TRIP12: variants seen among roughly 807,000 people sequenced by gnomAD.
TRIP12 encodes the protein thyroid hormone receptor interactor 12.
TRIP12 carries 25 observed loss-of-function variants against 244.2 expected under a neutral mutation model. The ratio of observed to expected loss-of-function variants is 0.10; its 90% CI spans 0.07 to 0.14. The LOEUF is 0.14. Ranked by LOEUF, TRIP12 falls within the 10% of genes least tolerant of loss-of-function variation. The pLI, the probability that TRIP12 is intolerant of heterozygous loss-of-function variation, is 1.00. For synonymous variants in TRIP12, 905 were observed against 873.1 expected (o/e 1.04, Z -0.64); for missense variants, 1,677 against 2,486.4 (o/e 0.67, Z 6.92).
At chr2:229,889,683 A>T (rs1402985221) in intron 1 of TRIP12, among the ~76,000 whole-genome samples, 1 of 152,218 alleles carries the variant, frequency 6.6e-6, no homozygotes, top group Non-Finnish European at 1.5e-5. Context: ...TTAAGACTCC[A>T]ACCTAATGTT....
At chr2:229,896,996 T>TC (rs1318222084) in intron 1 of TRIP12, among the ~76,000 whole-genome samples, 20 of 152,208 alleles carry the variant, frequency 1.3e-4, no homozygotes, top group Admixed American at 1.3e-3. Context: ...CAATGTAGGT[T>TC]CACTGACTGT....
At chr2:229,779,358 A>G (rs970211446) in intron 34 of TRIP12, among the ~76,000 whole-genome samples, 1 of 151,964 alleles carries the variant, frequency 6.6e-6, no homozygotes, top group East Asian at 1.9e-4. Flanking sequence ...CTCAAATGTC[A>G]CCCTCTCAAG....
chr2:229,915,021 G>A (rs2075103281), intron 1 of TRIP12, among the ~76,000 whole-genome samples: 1 of 152,214 alleles, frequency 6.6e-6, no homozygotes, highest in African/African-American at 2.4e-5. Flanking sequence ...GGGAGACCAA[G>A]GCGGGTGTAT....
intron 6 of TRIP12, among the ~76,000 whole-genome samples, chr2:229,831,874 G>T (rs577264): frequency 0.94 from 134,425 of 143,494 alleles, 62,699 homozygotes; most frequent in East Asian, 1. Flanking sequence ...GGTTTTTTTT[G>T]TTTGTTTTTT....
chr2:229,801,044 A>G (rs555971123), intron 21 of TRIP12, among the ~76,000 whole-genome samples: 2 of 152,368 alleles, frequency 1.3e-5, no homozygotes, highest in South Asian at 4.1e-4. Context: ...CCTACATTAC[A>G]GTAAAACCCT....
intron 8 of TRIP12, among the ~76,000 whole-genome samples, chr2:229,821,320 G>T (rs1260764065): frequency 6.6e-6 from 1 of 152,116 alleles, no homozygotes; most frequent in Non-Finnish European, 1.5e-5. Context: ...TATTAGTTTT[G>T]ACCTTATAGA....
chr2:229,830,662 T>C, intron 7 of TRIP12, 94 bp downstream of exon 7: 1 of 1,319,246 alleles, frequency 7.6e-7, no homozygotes, highest in Non-Finnish European at 1.1e-6. Flanking sequence ...TAGATTATGG[T>C]CAAATGAATT....
intron 6 of TRIP12, 85 bp downstream of exon 6, chr2:229,836,762 GT>G: frequency 7.0e-7 from 1 of 1,422,326 alleles, no homozygotes; most frequent in Non-Finnish European, 9.4e-7. Flanking sequence ...TTATACGATA[GT>G]AACACCTAGC....
In TRIP12 at chr2:229,803,886, A is replaced by G; in HGVS notation, c.2879+113T>C. The G allele has an allele frequency of 8.1e-6, 8 of 984,404 alleles. No individual in the cohort carries two copies. The South Asian group carries it at 1.4e-4, about 18-fold the overall frequency. The allele number at this position is 984,404 out of a possible 1,614,324, so 61.0% of individuals were successfully genotyped here. ...ATAAATAGACAAAAAAGAGCTCAAG[A>G]TACTCCTAACAAATTTTTGTGCATA... On this transcript the variant is annotated intron_variant, in intron 19 of 41. Transcript: ENST00000675903.
In TRIP12 at chr2:229,815,164, T is replaced by C. The variant is rs2048184930; in HGVS notation, c.1666A>G (p.Met556Val). Residue 556 changes from methionine to valine, a missense_variant, in exon 11 of 42, where the codon ATG becomes GTG. Physicochemically the swap from Met to Val is conservative, Grantham distance 21. Transcript: ENST00000675903. The part of the protein sequence containing the change: ...MNHACRALTY[M>V]MEALPRSSAV... ...GAAGATCGAGGAAGTGCTTCCATCA[T>C]GTATGTTAAGGCTCGACAAGCATGG... The C allele has an allele frequency of 3.7e-6, 6 of 1,613,242 alleles. No homozygotes were observed. Among genetic ancestry groups the C allele is most frequent in the East Asian group, 2.2e-5 (1 of 44,792 alleles).
intron 19 of TRIP12, 75 bp from the exon 20 acceptor site, chr2:229,803,764 T>G: frequency 2.7e-6 from 3 of 1,117,430 alleles, no homozygotes; most frequent in Non-Finnish European, 2.6e-6. Flanking sequence ...TACTTTAAAT[T>G]GAGAGCAAAG....
intron 8 of TRIP12, among the ~76,000 whole-genome samples, chr2:229,825,675 A>G (rs1436478483): frequency 6.6e-6 from 1 of 152,174 alleles, no homozygotes; most frequent in Non-Finnish European, 1.5e-5. Context: ...CACCCCCATG[A>G]TTCAATTACC....
chr2:229,875,600 A>G (rs1302444235), intron 2 of TRIP12, among the ~76,000 whole-genome samples: 1 of 152,242 alleles, frequency 6.6e-6, no homozygotes, highest in African/African-American at 2.4e-5. Context: ...CACACTAGCT[A>G]TACAAAGTTG....
At chr2:229,807,630 T>C in intron 17 of TRIP12, 78 bp downstream of exon 17, 1 of 1,533,648 alleles carries the variant, frequency 6.5e-7, no homozygotes, top group Non-Finnish European at 9.0e-7. Context: ...CAAATCCACA[T>C]ATCCACCTCC....
In TRIP12 at chr2:229,879,970, T is replaced by C. The variant is rs776007756; in HGVS notation, c.98+12A>G. The stretch of plus-strand genomic sequence containing the variant: ...TTCCCAATTCCTTTTCAAATTACCA[T>C]GAAATACATACCTTCCTCCTATTGA... On this transcript the variant is annotated intron_variant, in intron 2 of 41. Coordinates refer to ENST00000675903, the MANE Select transcript of TRIP12 (RefSeq NM_001348323.3). 1.2e-6 allele frequency: 2 copies of C among 1,613,646 alleles called. No homozygotes were observed. The highest frequency in any genetic ancestry group is 1.1e-5 in the South Asian group (1 of 91,066).
chr2:229,831,947 G>A (rs1231320778), intron 6 of TRIP12, among the ~76,000 whole-genome samples: 3 of 138,808 alleles, frequency 2.2e-5, no homozygotes, highest in African/African-American at 8.0e-5. Context: ...AATACCTTAA[G>A]CCCTATATAC....
At chr2:229,921,480 C>T (rs893675951) in intron 1 of TRIP12, 6 of 146,126 alleles carry the variant, frequency 4.1e-5, no homozygotes, top group African/African-American at 1.5e-4. Context: ...CACTTTCTCT[C>T]TTCCCAGACA....
chr2:229,826,268 C>A, intron 8 of TRIP12, among the ~76,000 whole-genome samples: 1 of 152,138 alleles, frequency 6.6e-6, no homozygotes. Context: ...TGTTAAAATA[C>A]AGACACTATG....
intron 1 of TRIP12, among the ~76,000 whole-genome samples, chr2:229,886,681 G>A (rs2066097767): frequency 6.6e-6 from 1 of 152,146 alleles, no homozygotes; most frequent in African/African-American, 2.4e-5. Flanking sequence ...TGTCCAGGCT[G>A]TTCTCAAACT....
Sources: gnomAD v4.1 joint callset for allele counts (sites outside exome capture counted in the v4.1 genomes callset) on GRCh38, gnomAD v4.1.1 for gene constraint, MANE v1.5 for transcripts, NCBI Gene and HGNC (gene_info 2026-07-23, HGNC 2026-07-21) for gene names.